NUCB2: variants seen among roughly 807,000 people sequenced by gnomAD.
The protein encoded by NUCB2 is nucleobindin 2, also known as nucleobindin-2.
A neutral mutation model predicts 57.9 loss-of-function variants in NUCB2; 48 were observed. That is an observed-to-expected ratio of 0.83 (90% CI 0.66 to 1.05). NUCB2 has a LOEUF of 1.05. Ranked by LOEUF, NUCB2 falls within the 50% of genes least tolerant of loss-of-function variation. NUCB2 has a pLI of 0.00. For missense variants in NUCB2, 442 were observed against 476.2 expected (o/e 0.93, Z 0.67); for synonymous variants, 139 against 152.1 (o/e 0.91, Z 0.64).
intron 2 of NUCB2, among the ~76,000 whole-genome samples, chr11:17,287,173 AT>A (rs1179641849): frequency 6.6e-6 from 1 of 150,668 alleles, no homozygotes; most frequent in Non-Finnish European, 1.5e-5. Context: ...CCAAAAAAAA[AT>A]ATATATATAT....
At chr11:17,279,409 A>T (rs983822874) in intron 1 of NUCB2, among the ~76,000 whole-genome samples, 25 of 152,176 alleles carry the variant, frequency 1.6e-4, no homozygotes, top group African/African-American at 6.0e-4. Context: ...ATAACCTTTT[A>T]TAAAAGTAGG....
intron 11 of NUCB2, among the ~76,000 whole-genome samples, chr11:17,321,479 C>T (rs1387430290): frequency 6.6e-6 from 1 of 152,152 alleles, no homozygotes; most frequent in African/African-American, 2.4e-5. Context: ...ATAAGTACCA[C>T]ATTTTCTTCA....
At chr11:17,316,849 C>T (rs1444410849) in intron 11 of NUCB2, among the ~76,000 whole-genome samples, 1 of 152,174 alleles carries the variant, frequency 6.6e-6, no homozygotes, top group African/African-American at 2.4e-5. Context: ...TGAACAGCTA[C>T]TCTAGTTTAC....
rs773903569 is a variant in NUCB2, at chr11:17,330,161, A to T, written c.1037A>T (p.Glu346Val). 3.8e-6 allele frequency: 6 copies of T among 1,567,102 alleles called. No homozygotes were observed. The African/African-American group carries it at 8.1e-5, about 21-fold the overall frequency. ...CAGCAACAGTTCTTCACAGAGGAAG[A>T]ACTAAAAGAATATGAAAATATTATT... is the stretch of plus-strand genomic sequence containing the variant. ...LDQQQFFTEE[E>V]LKEYENIIAL... The change falls in exon 12 of 14, where the codon GAA (glutamate) becomes GTA (valine). Residue 346 changes from glutamate (E) to valine (V), a missense_variant. Physicochemically the swap from Glu to Val is moderately radical, Grantham distance 121. Coordinates refer to ENST00000529010, the MANE Select transcript of NUCB2 (RefSeq NM_005013.4). This position sits in a 1 kb window ranked among gnomAD's most constrained non-coding sequence, Gnocchi z 4.3.
intron 11 of NUCB2, among the ~76,000 whole-genome samples, chr11:17,328,374 C>A (rs147704009): frequency 1.3e-5 from 2 of 152,346 alleles, no homozygotes; most frequent in African/African-American, 4.8e-5. Flanking sequence ...GCCCAAGGCC[C>A]TTTCCTTCAT....
chr11:17,316,610 AT>A (rs1565443947), intron 11 of NUCB2, among the ~76,000 whole-genome samples: 1 of 152,146 alleles, frequency 6.6e-6, no homozygotes, highest in African/African-American at 2.4e-5. Flanking sequence ...TTTATGAAAA[AT>A]TTTTTAAATT....
At chr11:17,321,978 A>G (rs919163889) in intron 11 of NUCB2, among the ~76,000 whole-genome samples, 2 of 152,102 alleles carry the variant, frequency 1.3e-5, no homozygotes, top group African/African-American at 4.8e-5. Context: ...AACCCCTTAT[A>G]TATTCTAGTT....
chr11:17,311,947 A>C lies in NUCB2; in HGVS notation c.819+17A>C. 6.4e-7 allele frequency: 1 copy of C among 1,561,598 alleles called. No homozygotes were observed. The highest frequency in any genetic ancestry group is 1.2e-5 in the South Asian group (1 of 85,642). ...ACTAAAGAGGTAAAGGAGTTTATTAAGTATTCAGTGTTCTTGTTCTCTCTC... is the reference window on the plus strand; with the variant it reads ...ACTAAAGAGGTAAAGGAGTTTATTACGTATTCAGTGTTCTTGTTCTCTCTC... On this transcript the variant is annotated intron_variant, in intron 9 of 13. Transcript: ENST00000529010.
At chr11:17,290,319 G>T (rs1357546357) in intron 2 of NUCB2, among the ~76,000 whole-genome samples, 4 of 152,152 alleles carry the variant, frequency 2.6e-5, no homozygotes, top group Admixed American at 2.6e-4. Context: ...TCAATCTGAA[G>T]TTATGACAAT....
chr11:17,288,853 C>G (rs576173494), intron 2 of NUCB2, among the ~76,000 whole-genome samples: 1 of 140,638 alleles, frequency 7.1e-6, no homozygotes, highest in Non-Finnish European at 1.5e-5. Flanking sequence ...CCGTGCCTGG[C>G]CCTTAAAGTC....
Position 17,338,791 on chromosome 11 carries a change from G to A in NUCB2, n.2626+1257G>A, listed in dbSNP as rs192861848. On this transcript the variant is annotated intron_variant and non_coding_transcript_variant, in intron 2 of 2. Coordinates refer to the NUCB2 transcript ENST00000532240. Reference sequence around the variant, plus strand: ...CAATTCTCCTGCCTCAGTCTCCCAAGTAGCGGGGACTATAGGCATATGCCA... The same window carrying A: ...CAATTCTCCTGCCTCAGTCTCCCAAATAGCGGGGACTATAGGCATATGCCA... Among the ~76,000 whole-genome samples, 226 of 151,892 alleles carry A rather than the reference G, an allele frequency of 1.5e-3. 4 individuals are homozygous for A. The highest frequency in any genetic ancestry group is 0.012 in the Admixed American group (190 of 15,246).
At chr11:17,306,953 T>A (rs1008397532) in intron 5 of NUCB2, among the ~76,000 whole-genome samples, 8 of 152,148 alleles carry the variant, frequency 5.3e-5, no homozygotes, top group Admixed American at 2.0e-4. Flanking sequence ...GATGTAACTT[T>A]TAAACTAAGG....
In NUCB2 at chr11:17,331,863, C is replaced by T. The variant is rs1232756452; in HGVS notation, c.*444C>T. 6.5e-6 allele frequency: 1 copy of T among 153,432 alleles called. No individual in the cohort carries two copies. Among genetic ancestry groups the T allele is most frequent in the African/African-American group, 2.4e-5 (1 of 41,520 alleles). 9.5% of individuals were successfully genotyped at this position (153,432 alleles called of 1,614,324 possible). On this transcript the variant is annotated 3_prime_UTR_variant, in exon 14 of 14. Transcript: ENST00000529010. ...TCAATAAATGTCTGTTTGATATTAA[C>T]AATTCTGGAAAGGCCACAGTATTTC...
intron 2 of NUCB2, among the ~76,000 whole-genome samples, chr11:17,294,053 T>C (rs1315864851): frequency 6.6e-6 from 1 of 152,170 alleles, no homozygotes; most frequent in Non-Finnish European, 1.5e-5. Flanking sequence ...GAGTTATATC[T>C]CAAAAAACCC....
At chr11:17,316,396 G>A (rs1486547900) in intron 11 of NUCB2, among the ~76,000 whole-genome samples, 1 of 152,112 alleles carries the variant, frequency 6.6e-6, no homozygotes, top group African/African-American at 2.4e-5. Context: ...TCAAAAACAT[G>A]ATTTTTAAAA....
intron 2 of NUCB2, among the ~76,000 whole-genome samples, chr11:17,288,875 ATG>A (rs1474046723): frequency 1.6e-4 from 19 of 121,262 alleles, no homozygotes; most frequent in African/African-American, 5.7e-4. Flanking sequence ...ATTTAATAAC[ATG>A]TATATACACA....
At chr11:17,316,667 G>A (rs781501284) in intron 11 of NUCB2, among the ~76,000 whole-genome samples, 1 of 152,164 alleles carries the variant, frequency 6.6e-6, no homozygotes, top group Non-Finnish European at 1.5e-5. Context: ...ATATCAACTT[G>A]TAACACAGTC....
intron 11 of NUCB2, among the ~76,000 whole-genome samples, chr11:17,316,853 A>G (rs1045596678): frequency 6.6e-6 from 1 of 152,242 alleles, no homozygotes; most frequent in Non-Finnish European, 1.5e-5. Flanking sequence ...CAGCTACTCT[A>G]GTTTACCCAG....
intron 2 of NUCB2, among the ~76,000 whole-genome samples, chr11:17,294,984 G>T (rs1945583055): frequency 6.6e-6 from 1 of 152,132 alleles, no homozygotes; most frequent in African/African-American, 2.4e-5. Flanking sequence ...GGAGGCAGAG[G>T]TTGGGGTGAG....
Sources: allele counts gnomAD v4.1 joint callset (sites outside exome capture counted in the v4.1 genomes callset), GRCh38; gene constraint gnomAD v4.1.1; non-coding constraint Gnocchi (gnomAD v3.1); transcripts MANE v1.5; gene names NCBI Gene and HGNC (gene_info 2026-07-23, HGNC 2026-07-21).